Variants in PRKN observed in about 807,000 individuals in gnomAD.
The protein encoded by PRKN is E3 ubiquitin-protein ligase parkin.
Under a neutral mutation model 59.5 loss-of-function variants are expected in PRKN, and 56 were observed. The ratio of observed to expected loss-of-function variants is 0.94; its 90% CI spans 0.76 to 1.18. The LOEUF is 1.18. Among genes scored for constraint, PRKN ranks in the 50% most tolerant of loss-of-function variants. The probability of loss-of-function intolerance (pLI) is 0.00; values close to 1 mark genes in which losing one functional copy is unlikely to be tolerated. For missense variants in PRKN, 657 were observed against 596.4 expected, an observed-to-expected ratio of 1.10 and a Z score of -1.06; for synonymous variants, 250 against 222.1, an observed-to-expected ratio of 1.13 and a Z score of -1.12.
chr6:162,566,583 C>A (rs1329233877), intron 1 of PRKN, among the ~76,000 whole-genome samples: 2 of 151,828 alleles, frequency 1.3e-5, no homozygotes, highest in Non-Finnish European at 2.9e-5. Context: ...TTGAACCAGG[C>A]AAAAAAATCC....
At chr6:162,525,532 C>G (rs60074916) in intron 1 of PRKN, among the ~76,000 whole-genome samples, 1 of 152,016 alleles carries the variant, frequency 6.6e-6, no homozygotes, top group Non-Finnish European at 1.5e-5. Flanking sequence ...TCCATCTCCT[C>G]GACTCCCTCC....
At chr6:161,439,725 G>A (rs150043147) in intron 9 of PRKN, among the ~76,000 whole-genome samples, 2 of 152,014 alleles carry the variant, frequency 1.3e-5, no homozygotes, top group African/African-American at 2.4e-5. Flanking sequence ...TGCTTACTGC[G>A]CATCTGAACG....
At chr6:162,333,839 T>C (rs2023087) in intron 2 of PRKN, among the ~76,000 whole-genome samples, 25,142 of 152,192 alleles carry the variant, frequency 0.17, 2,289 homozygotes, top group African/African-American at 0.22. Flanking sequence ...AGGTTGGCTG[T>C]ACCAACAAGT....
intron 2 of PRKN, among the ~76,000 whole-genome samples, chr6:162,357,368 G>A (rs533799520): frequency 8.0e-4 from 121 of 152,118 alleles, no homozygotes; most frequent in African/African-American, 2.9e-3. Flanking sequence ...AAATACAGCT[G>A]GCAAGTAAGC....
rs71004062 is a variant in PRKN, at chr6:161,703,839, CTTTTTTTTTTTTTTTT to C, written c.871+81917_871+81932del. ...CACACATCTCTCTCTCTCTCTCTCT[CTTTTTTTTTTTTTTTT>C]TTTTTTTTTTTTTTTTTTTTTACAG... is the stretch of plus-strand genomic sequence containing the variant. On this transcript the variant is annotated intron_variant, in intron 7 of 11. Coordinates refer to ENST00000366898, the MANE Select transcript of PRKN (RefSeq NM_004562.3). 1.8e-3 allele frequency among the ~76,000 whole-genome samples: 107 copies of C among 59,852 alleles called. 2 individuals carry two copies. The highest frequency in any genetic ancestry group is 5.2e-3 in the African/African-American group (87 of 16,786). The allele number at this position is 59,852 out of a possible 152,430, so 39.3% of individuals were successfully genotyped here.
chr6:162,692,061 T>C (rs1777794018), intron 1 of PRKN, among the ~76,000 whole-genome samples: 1 of 152,154 alleles, frequency 6.6e-6, no homozygotes, highest in African/African-American at 2.4e-5. Context: ...ATTTTGTCTT[T>C]TGTTGCCATT....
chr6:161,677,818 A>G (rs1264061552), intron 7 of PRKN, among the ~76,000 whole-genome samples: 2 of 152,222 alleles, frequency 1.3e-5, no homozygotes, highest in Admixed American at 1.3e-4. Context: ...GTGTTTCTAA[A>G]AGAAAATGAA....
chr6:162,447,762 C>G (rs566326753), intron 1 of PRKN, among the ~76,000 whole-genome samples: 1 of 152,240 alleles, frequency 6.6e-6, no homozygotes, highest in South Asian at 2.1e-4. Context: ...GCTCCTCAAG[C>G]AGCCATTCCG....
At chr6:162,057,534 T>C (rs1006324707) in intron 4 of PRKN, among the ~76,000 whole-genome samples, 1 of 152,222 alleles carries the variant, frequency 6.6e-6, no homozygotes, top group Non-Finnish European at 1.5e-5. Context: ...GGAAAAGAAA[T>C]GATACCTACG....
intron 6 of PRKN, among the ~76,000 whole-genome samples, chr6:161,868,875 G>T (rs1794228511): frequency 6.6e-6 from 1 of 152,078 alleles, no homozygotes; most frequent in Non-Finnish European, 1.5e-5. Context: ...AGGTACTAGA[G>T]TTCTACTGAT....
chr6:162,465,062 C>T (rs896110387), intron 1 of PRKN, among the ~76,000 whole-genome samples: 14 of 152,176 alleles, frequency 9.2e-5, no homozygotes, highest in African/African-American at 2.9e-4. Context: ...GAATGTTTAC[C>T]TAAAACTCCC....
At chr6:161,930,810 G>A (rs945431631) in intron 6 of PRKN, among the ~76,000 whole-genome samples, 3 of 152,180 alleles carry the variant, frequency 2.0e-5, no homozygotes, top group Non-Finnish European at 4.4e-5. Flanking sequence ...GAAGGGGAAG[G>A]CAGGATAGTC....
rs367546249 is a variant in PRKN, at chr6:161,556,819, T to G, written c.934-7816A>C. On this transcript the variant is annotated intron_variant, in intron 8 of 11. Transcript: ENST00000366898. ...GGTTTATATAGAGTCCACCCTCAAC[T>G]GAGCTCAAAAGTGGAAAAATCACTC... Among the ~76,000 whole-genome samples, 38 of 152,304 alleles carry G rather than the reference T, an allele frequency of 2.5e-4. No homozygotes were observed. The East Asian group carries it at 2.7e-3, about 11-fold the overall frequency.
intron 1 of PRKN, among the ~76,000 whole-genome samples, chr6:162,555,035 T>C (rs2128204696): frequency 6.6e-6 from 1 of 152,280 alleles, no homozygotes; most frequent in Non-Finnish European, 1.5e-5. Context: ...TAACAGACTT[T>C]TCAGCCACAT....
chr6:162,265,264 G>A (rs1780077619), intron 2 of PRKN: 1 of 152,258 alleles, frequency 6.6e-6, no homozygotes, highest in South Asian at 2.1e-4. Flanking sequence ...CTGTACATTA[G>A]TGCGCATACA....
rs1778790625 is a variant in PRKN, at chr6:162,075,638, T to TC, written c.535-21465dup. Among the ~76,000 whole-genome samples the TC allele has an allele frequency of 1.3e-5, 2 of 150,956 alleles. 1 individual carries two copies. Among genetic ancestry groups the TC allele is most frequent in the African/African-American group, 4.9e-5 (2 of 40,902 alleles). The stretch of plus-strand genomic sequence containing the variant: ...ACTGGTCAACAACTATCTTGACCAC[T>TC]CCAACAACGTTTTGGAGTGGTGGAG... On this transcript the variant is annotated intron_variant, in intron 4 of 11. Coordinates refer to ENST00000366898, the MANE Select transcript of PRKN (RefSeq NM_004562.3).
intron 6 of PRKN, among the ~76,000 whole-genome samples, chr6:161,921,384 T>G (rs1778781372): frequency 6.6e-6 from 1 of 152,188 alleles, no homozygotes; most frequent in African/African-American, 2.4e-5. Context: ...TATTTATAAG[T>G]AGGAGTATAC....
At chr6:161,973,554 C>T in intron 5 of PRKN, 137 bp from the exon 6 acceptor site, 1 of 688,306 alleles carries the variant, frequency 1.5e-6, no homozygotes, top group Non-Finnish European at 2.6e-6. Flanking sequence ...AAATCAGCAT[C>T]AAACCTTTCC....
At chr6:162,620,486 T>A (rs2155501) in intron 1 of PRKN, among the ~76,000 whole-genome samples, 81,042 of 152,092 alleles carry the variant, frequency 0.53, 22,380 homozygotes, top group African/African-American at 0.64. Context: ...TTGCAAAATG[T>A]AGTAGTGTAA....
Sources: gnomAD v4.1 joint callset for allele counts (sites outside exome capture counted in the v4.1 genomes callset) on GRCh38, gnomAD v4.1.1 for gene constraint, MANE v1.5 for transcripts, NCBI Gene and HGNC (gene_info 2026-07-23, HGNC 2026-07-21) for gene names.